SHB: variants seen among roughly 807,000 people sequenced by gnomAD.
The protein encoded by SHB is SH2 domain containing adaptor protein B.
Under a neutral mutation model 52.3 loss-of-function variants are expected in SHB, and 20 were observed. That is an observed-to-expected ratio of 0.38 (90% CI 0.27 to 0.56). SHB has a LOEUF of 0.56. Among genes scored for constraint, SHB ranks in the 20% least tolerant of loss-of-function variants. The probability of loss-of-function intolerance (pLI) is 0.71; values close to 1 mark genes in which losing one functional copy is unlikely to be tolerated. For synonymous variants in SHB, 397 were observed against 316.5 expected (o/e 1.25, Z -2.70); for missense variants, 825 against 723.3 (o/e 1.14, Z -1.61).
intron 1 of SHB, among the ~76,000 whole-genome samples, chr9:38,041,998 C>T (rs11794709): frequency 0.15 from 22,658 of 152,204 alleles, 1,760 homozygotes; most frequent in East Asian, 0.32. Flanking sequence ...CATTAGCTGG[C>T]GCTGCAGTCT....
chr9:37,970,868 C>A (rs1012152182), intron 3 of SHB, among the ~76,000 whole-genome samples: 1 of 152,014 alleles, frequency 6.6e-6, no homozygotes, highest in African/African-American at 2.4e-5. Flanking sequence ...CCTTAGGAGT[C>A]CCCCACACTC....
chr9:37,991,880 T>C (rs1412863361), intron 2 of SHB, among the ~76,000 whole-genome samples: 4 of 152,200 alleles, frequency 2.6e-5, no homozygotes, highest in African/African-American at 7.2e-5. Context: ...AGGCTACGCC[T>C]CACTGAGGGA....
chr9:38,007,099 G>A (rs1821083998), intron 2 of SHB, among the ~76,000 whole-genome samples: 1 of 152,156 alleles, frequency 6.6e-6, no homozygotes, highest in Non-Finnish European at 1.5e-5. Flanking sequence ...GCATAGACCC[G>A]GGAGCATAGA....
At chr9:38,053,241 ACT>A (rs1169510541) in intron 1 of SHB, among the ~76,000 whole-genome samples, 38 of 147,502 alleles carry the variant, frequency 2.6e-4, no homozygotes, top group African/African-American at 8.5e-4. Context: ...GCAAAATCAG[ACT>A]CTTTTTTTTT....
At chr9:37,981,047 A>G (rs1325611263) in intron 2 of SHB, among the ~76,000 whole-genome samples, 1 of 152,212 alleles carries the variant, frequency 6.6e-6, no homozygotes, top group Non-Finnish European at 1.5e-5. Flanking sequence ...ATTTTTCAGA[A>G]TGGCAAATGA....
intron 1 of SHB, among the ~76,000 whole-genome samples, chr9:38,021,179 AAC>A (rs1315704889): frequency 6.6e-6 from 1 of 151,718 alleles, no homozygotes; most frequent in Non-Finnish European, 1.5e-5. Context: ...CTCTCCTAAA[AAC>A]ACAAAAAAAT....
At chr9:37,987,188 A>C (rs556314738) in intron 2 of SHB, among the ~76,000 whole-genome samples, 2 of 152,370 alleles carry the variant, frequency 1.3e-5, no homozygotes, top group African/African-American at 4.8e-5. Flanking sequence ...AGCTCAGACA[A>C]GCTCAGTGGT....
At chr9:37,994,809 T>C (rs562125924) in intron 2 of SHB, among the ~76,000 whole-genome samples, 17 of 152,308 alleles carry the variant, frequency 1.1e-4, no homozygotes, top group African/African-American at 3.8e-4. Flanking sequence ...CGTTTTTTTT[T>C]CTTTCATAAT....
intron 1 of SHB, among the ~76,000 whole-genome samples, chr9:38,052,368 C>G (rs1000505711): frequency 2.6e-5 from 4 of 152,212 alleles, no homozygotes; most frequent in African/African-American, 7.2e-5. Context: ...GCTCAGACTC[C>G]GTGACCCCAG....
chr9:37,939,435 A>G (rs1275542531), intron 5 of SHB, among the ~76,000 whole-genome samples: 1 of 152,184 alleles, frequency 6.6e-6, no homozygotes. Context: ...CGCTTTCTTC[A>G]CAGCTCCTTG....
chr9:37,960,230 A>G (rs1832679146), intron 3 of SHB, among the ~76,000 whole-genome samples: 1 of 152,264 alleles, frequency 6.6e-6, no homozygotes, highest in Admixed American at 6.5e-5. Context: ...AAAAATGTTA[A>G]GAACAAAAGC....
At chr9:37,999,283 C>T (rs771225573) in intron 2 of SHB, among the ~76,000 whole-genome samples, 8 of 152,118 alleles carry the variant, frequency 5.3e-5, no homozygotes, top group Admixed American at 6.5e-5. Flanking sequence ...AGCAGGCGAG[C>T]TGATCTCACT....
chr9:38,040,571 G>C (rs949128182), intron 1 of SHB, among the ~76,000 whole-genome samples: 1 of 152,140 alleles, frequency 6.6e-6, no homozygotes, highest in Non-Finnish European at 1.5e-5. Context: ...GAGTGGGCGG[G>C]CAGGCAGACA....
intron 1 of SHB, among the ~76,000 whole-genome samples, chr9:38,037,894 C>T (rs1821509353): frequency 1.3e-5 from 2 of 152,208 alleles, no homozygotes; most frequent in Admixed American, 6.5e-5. Context: ...CACAAGGTGG[C>T]TGGGCTAGAA....
intron 2 of SHB, among the ~76,000 whole-genome samples, chr9:37,998,504 G>A (rs145888551): frequency 2.2e-4 from 33 of 152,334 alleles, no homozygotes; most frequent in Non-Finnish European, 3.5e-4. Context: ...CTAGGCTGGA[G>A]TGCCGTGGCA....
In SHB at chr9:38,068,066, C is replaced by A; in HGVS notation, c.580G>T (p.Gly194Cys). Residue 194 changes from glycine (G) to cysteine (C), a missense_variant, in exon 1 of 6, where the codon GGT becomes TGT. By Grantham distance (159) the Gly-to-Cys change is radical. Coordinates refer to ENST00000377707, the MANE Select transcript of SHB (RefSeq NM_003028.3). ...RLIKVESAAGGGAGDPLGGAC... is the reference protein window; with the variant it reads ...RLIKVESAAGCGAGDPLGGAC... ...CCCCCCAGGGGGTCCCCGGCCCCAC[C>A]GCCCGCGGCGCTCTCCACTTTGATG... is the stretch of plus-strand genomic sequence containing the variant. 2.7e-6 allele frequency: 4 copies of A among 1,490,168 alleles called. No homozygotes were observed. Among genetic ancestry groups the A allele is most frequent in the Non-Finnish European group, 3.5e-6 (4 of 1,129,906 alleles). The allele number at this position is 1,490,168 out of a possible 1,614,324, so 92.3% of individuals were successfully genotyped here. A position where few individuals can be genotyped will look rare whatever the true frequency, so the allele number is the denominator to read the frequency against.
rs565252376 is a variant in SHB at position 38,021,135 on chromosome 9, C to T, written c.718-5004G>A. ...GGCGGATTACCTGAGGTCAGCAGTT[C>T]GAGACCAGCCCGACCAACGTGGAGA... On this transcript the variant is annotated intron_variant, in intron 1 of 5. Coordinates refer to ENST00000377707, the MANE Select transcript of SHB (RefSeq NM_003028.3). Among the ~76,000 whole-genome samples, 10 of 151,992 alleles carry T rather than the reference C, an allele frequency of 6.6e-5. No homozygotes were observed. In the East Asian group the frequency reaches 1.4e-3, roughly 21 times the overall value.
In SHB at chr9:37,985,334, C is replaced by T. The variant is rs978098309; in HGVS notation, c.839-10497G>A. On this transcript the variant is annotated intron_variant, in intron 2 of 5. Coordinates refer to ENST00000377707, the MANE Select transcript of SHB (RefSeq NM_003028.3). Reference sequence around the variant, plus strand: ...ATGAGCCCCTCTGGCCTGAAGTACTCGAAGAGAGACAAAGCCTGCAAACCT... The same window carrying T: ...ATGAGCCCCTCTGGCCTGAAGTACTTGAAGAGAGACAAAGCCTGCAAACCT... Among the ~76,000 whole-genome samples the T allele has an allele frequency of 2.6e-5, 4 of 152,238 alleles. No individual in the cohort carries two copies. The East Asian group carries it at 7.7e-4, about 29-fold the overall frequency.
At chr9:37,926,136 T>C (rs1199684758) in intron 5 of SHB, among the ~76,000 whole-genome samples, 1 of 152,072 alleles carries the variant, frequency 6.6e-6, no homozygotes, top group Non-Finnish European at 1.5e-5. Flanking sequence ...AGGGTGACCA[T>C]GGCAAGGTAC....
Sources: allele counts gnomAD v4.1 joint callset (sites outside exome capture counted in the v4.1 genomes callset), GRCh38; gene constraint gnomAD v4.1.1; transcripts MANE v1.5; gene names NCBI Gene and HGNC (gene_info 2026-07-23, HGNC 2026-07-21).